FREM3: variants seen among roughly 807,000 people sequenced by gnomAD.
FREM3 encodes the protein FRAS1 related extracellular matrix 3, also known as FRAS1-related extracellular matrix protein 3.
A neutral mutation model predicts 129.1 loss-of-function variants in FREM3; 105 were observed. The observed-to-expected ratio is 0.81, with a 90% CI of 0.69 to 0.96. The LOEUF (loss-of-function observed/expected upper bound fraction) is 0.96, where lower values mean the gene tolerates loss of function less well. FREM3 is among the 40% of genes least tolerant of loss of function. The pLI, the probability that FREM3 is intolerant of heterozygous loss-of-function variation, is 0.00. For missense variants in FREM3, 2,593 were observed against 2,666.3 expected (o/e 0.97, Z 0.61); for synonymous variants, 1,014 against 1,044.9 (o/e 0.97, Z 0.57).
intron 6 of FREM3, among the ~76,000 whole-genome samples, chr4:143,605,585 T>C (rs1272373055): frequency 6.6e-6 from 1 of 152,074 alleles, no homozygotes; most frequent in African/African-American, 2.4e-5. Context: ...AACAACAGAG[T>C]CAAAGAGGGA....
At chr4:143,650,036 C>G (rs577079718) in intron 2 of FREM3, among the ~76,000 whole-genome samples, 2 of 152,294 alleles carry the variant, frequency 1.3e-5, no homozygotes, top group South Asian at 4.1e-4. Flanking sequence ...CCATTCATTG[C>G]TTTTGTCATG....
intron 2 of FREM3, among the ~76,000 whole-genome samples, chr4:143,675,774 T>G (rs1740107061): frequency 6.6e-6 from 1 of 152,094 alleles, no homozygotes; most frequent in South Asian, 2.1e-4. Context: ...TCTATGCAAA[T>G]AAACTAGAAA....
In FREM3 at chr4:143,700,479, T is replaced by C. The variant is rs1315699968; in HGVS notation, c.197A>G (p.Asn66Ser). The change falls in exon 1 of 8, where the codon AAC becomes AGC. Residue 66 changes from asparagine to serine, a missense_variant. Physicochemically the swap from Asn to Ser is conservative, Grantham distance 46. This residue lies in a region of FREM3 where 2,276 missense variants were observed against 2,267.2 expected (regional missense o/e 1.00). Coordinates refer to ENST00000329798, the MANE Select transcript of FREM3 (RefSeq NM_001168235.2). ...RPDGPSVLIANPGLRVPLGRS... is the reference protein window; with the variant it reads ...RPDGPSVLIASPGLRVPLGRS... ...ACCCAGGGGCACCCGGAGTCCAGGG[T>C]TGGCAATCAGCACGCTGGGGCCGTC... The C allele has an allele frequency of 4.1e-5, 62 of 1,510,676 alleles. No individual in the cohort carries two copies. Among genetic ancestry groups the C allele is most frequent in the Non-Finnish European group, 5.3e-5 (60 of 1,132,196 alleles). 93.6% of individuals were successfully genotyped at this position (1,510,676 alleles called of 1,614,324 possible). A position where few individuals can be genotyped will look rare whatever the true frequency, so the allele number is the denominator to read the frequency against.
At chr4:143,693,517 C>T (rs976733547) in intron 1 of FREM3, among the ~76,000 whole-genome samples, 13 of 152,090 alleles carry the variant, frequency 8.5e-5, no homozygotes, top group African/African-American at 1.4e-4. Context: ...AAATTAGTTC[C>T]ACCATTGTGG....
Position 143,697,345 on chromosome 4 carries a change from T to C in FREM3, c.3331A>G (p.Ser1111Gly), listed in dbSNP as rs1421102010. The change falls in exon 1 of 8, where the codon AGT becomes GGT. Residue 1111 changes from serine to glycine, a missense_variant. By Grantham distance (56) the Ser-to-Gly change is moderately conservative. Around this residue, in one of 2 missense-constraint regions of FREM3, gnomAD observed 2,276 missense variants for 2,267.2 expected, o/e 1.00. Transcript: ENST00000329798. ...HQDELLCTVT[S>G]QPASGYLEKI... ...TCCAGGTAGCCAGAGGCTGGCTGAC[T>C]AGTCACTGTGCAGAGGAGTTCATCT... The C allele has an allele frequency of 9.1e-6, 14 of 1,537,086 alleles. No homozygotes were observed. The South Asian group carries it at 1.5e-4, about 17-fold the overall frequency.
intron 2 of FREM3, among the ~76,000 whole-genome samples, chr4:143,665,096 T>A (rs1739830802): frequency 6.6e-6 from 1 of 152,104 alleles, no homozygotes; most frequent in African/African-American, 2.4e-5. Context: ...CTGCACCCAC[T>A]GTCCTGCGCC....
At chr4:143,691,017 C>A (rs572379490) in intron 2 of FREM3, among the ~76,000 whole-genome samples, 3 of 152,186 alleles carry the variant, frequency 2.0e-5, no homozygotes, top group African/African-American at 7.2e-5. Context: ...ATAGAGGAAC[C>A]CTGTTTCTAG....
chr4:143,700,153 G>A lies in FREM3; in HGVS notation c.523C>T (p.Pro175Ser). 6.5e-7 allele frequency: 1 copy of A among 1,537,012 alleles called. No homozygotes were observed. The highest frequency in any genetic ancestry group is 1.2e-5 in the South Asian group (1 of 84,064). Residue 175 changes from proline (P) to serine (S), a missense_variant, in exon 1 of 8, where the codon CCT (proline) becomes TCT (serine). Around this residue, in one of 2 missense-constraint regions of FREM3, gnomAD observed 2,276 missense variants for 2,267.2 expected, o/e 1.00. Coordinates refer to ENST00000329798, the MANE Select transcript of FREM3 (RefSeq NM_001168235.2). ...CTTCGCAGCTTCTCCACTACCAAAG[G>A]CCTGTTACGCGTCACCAGCTCCAGC... ...SQLELVTRNRPLVVEKLRSWS... is the reference protein window; with the variant it reads ...SQLELVTRNRSLVVEKLRSWS...
intron 2 of FREM3, among the ~76,000 whole-genome samples, chr4:143,662,752 T>G (rs575207934): frequency 6.6e-6 from 1 of 152,182 alleles, no homozygotes; most frequent in Admixed American, 6.6e-5. Flanking sequence ...ACTTGCTTTA[T>G]GAATCTGGGT....
intron 2 of FREM3, among the ~76,000 whole-genome samples, chr4:143,687,793 C>T (rs1740395591): frequency 6.6e-6 from 1 of 152,072 alleles, no homozygotes; most frequent in Non-Finnish European, 1.5e-5. Flanking sequence ...GCAGAAAGAG[C>T]ATTTGACAAA....
chr4:143,633,107 C>G (rs556431556), intron 2 of FREM3, among the ~76,000 whole-genome samples: 1 of 152,222 alleles, frequency 6.6e-6, no homozygotes, highest in South Asian at 2.1e-4. Context: ...AGTGGAGGCA[C>G]TTGGTTTTCA....
At chr4:143,661,591 A>G (rs1739724933) in intron 2 of FREM3, among the ~76,000 whole-genome samples, 1 of 151,814 alleles carries the variant, frequency 6.6e-6, no homozygotes, top group Non-Finnish European at 1.5e-5. Context: ...TATCAGGATG[A>G]TGCTGGCCTT....
chr4:143,631,246 C>T (rs1373822639), intron 2 of FREM3, among the ~76,000 whole-genome samples: 1 of 152,138 alleles, frequency 6.6e-6, no homozygotes, highest in Non-Finnish European at 1.5e-5. Context: ...GTTCCTAATG[C>T]TTAAATCTTG....
At chr4:143,636,954 AAAATT>A (rs761917785) in intron 2 of FREM3, among the ~76,000 whole-genome samples, 1 of 152,204 alleles carries the variant, frequency 6.6e-6, no homozygotes, top group East Asian at 1.9e-4. Context: ...AACTTAAAGA[AAAATT>A]AATATTATAT....
In FREM3 at chr4:143,627,647, G is replaced by T. The variant is rs369671725; in HGVS notation, c.5389C>A (p.Arg1797Ser). 1 of 1,535,890 alleles carries T rather than the reference G, an allele frequency of 6.5e-7. No homozygotes were observed. Among genetic ancestry groups the T allele is most frequent in the African/African-American group, 1.4e-5 (1 of 73,082 alleles). ...DSTFLEVTLT[R>S]RGYLGETSFI... ...GATGTTTCTCCAAGGTATCCTCTGC[G>T]TGTAAGGGTCACTTCTAAGAATGTG... is the stretch of plus-strand genomic sequence containing the variant. Residue 1797 changes from arginine to serine, a missense_variant, in exon 3 of 8, where the codon CGC becomes AGC. Physicochemically the swap from Arg to Ser is moderately radical, Grantham distance 110 (BLOSUM62 -1). This residue lies in a region of FREM3 where 2,276 missense variants were observed against 2,267.2 expected (regional missense o/e 1.00). Coordinates refer to ENST00000329798, the MANE Select transcript of FREM3 (RefSeq NM_001168235.2).
rs532419645 is a variant in FREM3 at position 143,658,409 on chromosome 4, A to G, written c.5276-30649T>C. On this transcript the variant is annotated intron_variant, in intron 2 of 7. Coordinates refer to ENST00000329798, the MANE Select transcript of FREM3 (RefSeq NM_001168235.2). The stretch of plus-strand genomic sequence containing the variant: ...TCTGTTGGCACCATGATCTAGTGCC[A>G]ACTGGGAAGTCTGGAGACTTCTCAG... Among the ~76,000 whole-genome samples, 113 of 152,314 alleles carry G rather than the reference A, an allele frequency of 7.4e-4. 1 individual carries two copies. Among genetic ancestry groups the G allele is most frequent in the Non-Finnish European group, 1.2e-3 (83 of 68,020 alleles).
At chr4:143,645,852 T>C (rs993274467) in intron 2 of FREM3, among the ~76,000 whole-genome samples, 11 of 152,258 alleles carry the variant, frequency 7.2e-5, no homozygotes, top group Admixed American at 6.5e-5. Flanking sequence ...TTTCTTCATC[T>C]GTGAAACTTT....
intron 2 of FREM3, among the ~76,000 whole-genome samples, chr4:143,675,983 T>C (rs1172770951): frequency 5.3e-5 from 8 of 152,154 alleles, no homozygotes; most frequent in Admixed American, 6.5e-5. Context: ...CTGGTACCAT[T>C]CCTTCTGAAA....
At chr4:143,672,814 C>A (rs982708270) in intron 2 of FREM3, among the ~76,000 whole-genome samples, 1 of 152,168 alleles carries the variant, frequency 6.6e-6, no homozygotes, top group Non-Finnish European at 1.5e-5. Flanking sequence ...TTTCTCTAAA[C>A]TTCTCTTCTT....
Sources: gnomAD v4.1 joint callset for allele counts (sites outside exome capture counted in the v4.1 genomes callset) on GRCh38, gnomAD v4.1.1 for gene constraint, gnomAD v4.1.1 regional missense constraint, MANE v1.5 for transcripts, NCBI Gene and HGNC (gene_info 2026-07-23, HGNC 2026-07-21) for gene names.